TUT4: variants seen among roughly 807,000 people sequenced by gnomAD.
TUT4 encodes terminal uridylyl transferase 4.
In TUT4, 36 loss-of-function variants were observed where a neutral mutation model predicts 192.2. That is an observed-to-expected ratio of 0.19 (90% CI 0.14 to 0.25). The LOEUF (loss-of-function observed/expected upper bound fraction) is 0.25, where lower values mean the gene tolerates loss of function less well. Ranked by LOEUF, TUT4 falls within the 10% of genes least tolerant of loss-of-function variation. TUT4 has a pLI of 1.00. For synonymous variants in TUT4, 618 were observed against 666.0 expected, an observed-to-expected ratio of 0.93 and a Z score of 1.11; for missense variants, 1,493 against 1,957.2, an observed-to-expected ratio of 0.76 and a Z score of 4.47.
chr1:52,495,023 A>G (rs1462921234), intron 6 of TUT4, among the ~76,000 whole-genome samples: 1 of 152,168 alleles, frequency 6.6e-6, no homozygotes, highest in Non-Finnish European at 1.5e-5. Flanking sequence ...CTCATTTAAT[A>G]TAAAAATTAT....
Position 52,509,687 on chromosome 1 carries a change from C to T in TUT4, c.908G>A (p.Arg303Gln), listed in dbSNP as rs756328159. 8.1e-6 allele frequency: 13 copies of T among 1,610,494 alleles called. No individual in the cohort carries two copies. Among genetic ancestry groups the T allele is most frequent in the South Asian group, 2.2e-5 (2 of 90,826 alleles). The change falls in exon 4 of 30, where the codon CGG (arginine) becomes CAG (glutamine). Residue 303 changes from arginine to glutamine, a missense_variant. By Grantham distance (43) the Arg-to-Gln change is conservative. This residue lies in a region of TUT4 where 437 missense variants were observed against 577.6 expected (regional missense o/e 0.76). Coordinates refer to ENST00000257177, the MANE Select transcript of TUT4 (RefSeq NM_001009881.3). ...EKRSPEYTNC[R>Q]YLCKLCLIHI... ...AATTAAGCAAAGTTTGCATAGATAC[C>T]GACAATTGGTATATTCTGGTGATCG...
At chr1:52,511,424 G>C (rs1677130576) in intron 3 of TUT4, among the ~76,000 whole-genome samples, 1 of 152,056 alleles carries the variant, frequency 6.6e-6, no homozygotes, top group South Asian at 2.1e-4. Context: ...CTAGGAGCTG[G>C]GGATAAGAGC....
Position 52,541,225 on chromosome 1 carries a change from A to G in TUT4, c.-94+11706T>C, listed in dbSNP as rs544391083. Among the ~76,000 whole-genome samples the G allele has an allele frequency of 7.3e-3, 1,101 of 149,850 alleles. 12 individuals carry two copies. Among genetic ancestry groups the G allele is most frequent in the African/African-American group, 0.024 (966 of 40,802 alleles). ...CTCTGTCTTAAAAAAAAAAAAAAAA[A>G]AAGAAGAAGTAAAACTTCTACATCA... On this transcript the variant is annotated intron_variant, in intron 1 of 29. Coordinates refer to ENST00000257177, the MANE Select transcript of TUT4 (RefSeq NM_001009881.3).
chr1:52,504,175 C>T (rs1048630182), intron 4 of TUT4, among the ~76,000 whole-genome samples: 2 of 152,192 alleles, frequency 1.3e-5, no homozygotes, highest in African/African-American at 4.8e-5. Context: ...CACAATTCTA[C>T]ATCCTGAATC....
intron 2 of TUT4, among the ~76,000 whole-genome samples, chr1:52,524,853 G>T (rs932400813): frequency 4.6e-5 from 7 of 152,102 alleles, no homozygotes; most frequent in African/African-American, 1.7e-4. Flanking sequence ...AAAATACTCA[G>T]GATAAAGTCC....
chr1:52,542,337 C>T (rs1686910977), intron 1 of TUT4, among the ~76,000 whole-genome samples: 1 of 152,122 alleles, frequency 6.6e-6, no homozygotes, highest in Non-Finnish European at 1.5e-5. Context: ...ACCTGGGAGG[C>T]TGAGGCTTAA....
chr1:52,447,469 C>CA (rs1308778689), intron 20 of TUT4, among the ~76,000 whole-genome samples: 4 of 132,356 alleles, frequency 3.0e-5, no homozygotes, highest in Admixed American at 1.5e-4. Context: ...AACAAAAAAA[C>CA]AAAAAAACAA....
At chr1:52,485,539 T>C (rs987422129) in intron 9 of TUT4, among the ~76,000 whole-genome samples, 15 of 152,174 alleles carry the variant, frequency 9.9e-5, no homozygotes, top group African/African-American at 2.7e-4. Context: ...TCTTAACATA[T>C]ATGGCTTAAA....
chr1:52,441,444 A>ATC lies in TUT4; in HGVS notation c.3823-3110_3823-3109insGA, dbSNP rs1553160600. 5.3e-3 allele frequency among the ~76,000 whole-genome samples: 636 copies of ATC among 119,954 alleles called. 12 individuals carry two copies. The highest frequency in any genetic ancestry group is 0.022 in the African/African-American group (587 of 27,300). The allele number at this position is 119,954 out of a possible 152,430, so 78.7% of individuals were successfully genotyped here. On this transcript the variant is annotated intron_variant, in intron 24 of 29. Transcript: ENST00000257177. ...GGCGTGCACCACCACTCTCGGCTAAATTTTTTTTTTTTTTTTTTTTTTGTA... is the reference window on the plus strand; with the variant it reads ...GGCGTGCACCACCACTCTCGGCTAAATCTTTTTTTTTTTTTTTTTTTTTTGTA...
Position 52,475,337 on chromosome 1 carries a change from A to G in TUT4, c.2222T>C (p.Met741Thr). ...AAGCAGAATACAACCATTGGTTGCC[A>G]TATTGTTCGACTTGACTGGTTTCTT... Reference protein sequence around the residue: ...SNKKPVKSNNMATNGCILLGE... With the variant: ...SNKKPVKSNNTATNGCILLGE... Residue 741 changes from methionine (M) to threonine (T), a missense_variant, in exon 13 of 30, where the codon ATG becomes ACG. By Grantham distance (81) the Met-to-Thr change is moderately conservative. Transcript: ENST00000257177. The G allele has an allele frequency of 6.2e-7, 1 of 1,614,058 alleles. No homozygotes were observed. Among genetic ancestry groups the G allele is most frequent in the Non-Finnish European group, 8.5e-7 (1 of 1,180,002 alleles).
intron 2 of TUT4, among the ~76,000 whole-genome samples, chr1:52,516,676 G>A (rs757888426): frequency 1.3e-5 from 2 of 152,066 alleles, no homozygotes; most frequent in East Asian, 1.9e-4. Flanking sequence ...CCACCAGCGC[G>A]ATTTTTAAAA....
chr1:52,478,740 A>G (rs979664480), intron 11 of TUT4, among the ~76,000 whole-genome samples: 2 of 152,242 alleles, frequency 1.3e-5, no homozygotes, highest in African/African-American at 4.8e-5. Context: ...ATTCCAAAGA[A>G]TTAGCTAGAT....
chr1:52,470,901 A>C (rs898865133), intron 14 of TUT4, among the ~76,000 whole-genome samples: 1 of 151,958 alleles, frequency 6.6e-6, no homozygotes, highest in East Asian at 1.9e-4. Flanking sequence ...AAAGGCATGC[A>C]AGCCGTTCCC....
chr1:52,428,119 A>G lies in TUT4; in HGVS notation c.4712-2612T>C, dbSNP rs572864948. Among the ~76,000 whole-genome samples the G allele has an allele frequency of 3.9e-5, 6 of 152,314 alleles. No homozygotes were observed. The East Asian group carries it at 1.2e-3, about 29-fold the overall frequency. On this transcript the variant is annotated intron_variant, in intron 28 of 29. Transcript: ENST00000257177. Reference sequence around the variant, plus strand: ...CAGCAACTGTTATAAAGGACAGTTAAGAGAGATAAAAATCAAAGAGATATA... The same window carrying G: ...CAGCAACTGTTATAAAGGACAGTTAGGAGAGATAAAAATCAAAGAGATATA...
intron 2 of TUT4, among the ~76,000 whole-genome samples, chr1:52,518,837 G>A (rs1298794757): frequency 1.3e-5 from 2 of 152,108 alleles, no homozygotes; most frequent in African/African-American, 4.8e-5. Context: ...ACTCTTAATG[G>A]GCATGGGGTT....
In TUT4 at chr1:52,515,858, T is replaced by C. The variant is rs753979734; in HGVS notation, c.882+33A>G. On this transcript the variant is annotated intron_variant, in intron 3 of 29. Coordinates refer to ENST00000257177, the MANE Select transcript of TUT4 (RefSeq NM_001009881.3). The stretch of plus-strand genomic sequence containing the variant: ...GGGAAAACAGTTATGAAACACACAT[T>C]TCCCCCCAAATAACTAAAACAACAT... 4 of 1,613,034 alleles carry C rather than the reference T, an allele frequency of 2.5e-6. No individual in the cohort carries two copies. The South Asian group carries it at 4.4e-5, about 18-fold the overall frequency.
chr1:52,425,456 C>A lies in TUT4; in HGVS notation c.4763G>T (p.Arg1588Leu), dbSNP rs767255595. The change falls in exon 29 of 30, where the codon CGT becomes CTT. Residue 1588 changes from arginine to leucine, a missense_variant. Coordinates refer to ENST00000257177, the MANE Select transcript of TUT4 (RefSeq NM_001009881.3). ...AGCTGGGACAAGGGGGAAATGGGGACGCGGTGCATGTTCCCAAGGAATTGG... is the reference window on the plus strand; with the variant it reads ...AGCTGGGACAAGGGGGAAATGGGGAAGCGGTGCATGTTCCCAAGGAATTGG... Reference protein sequence around the residue: ...TPPIPWEHAPRPHFPLVPASW... With the variant: ...TPPIPWEHAPLPHFPLVPASW... 1.2e-6 allele frequency: 2 copies of A among 1,613,752 alleles called. No individual in the cohort carries two copies. Among genetic ancestry groups the A allele is most frequent in the Non-Finnish European group, 1.7e-6 (2 of 1,179,890 alleles).
At chr1:52,508,327 CAA>C (rs34321361) in intron 4 of TUT4, among the ~76,000 whole-genome samples, 50 of 78,550 alleles carry the variant, frequency 6.4e-4, no homozygotes, top group African/African-American at 4.6e-4. Context: ...ACTCTGTCTC[CAA>C]AAAAAAAAAA....
intron 3 of TUT4, among the ~76,000 whole-genome samples, chr1:52,513,452 T>A (rs1571159083): frequency 7.4e-5 from 8 of 107,568 alleles, no homozygotes; most frequent in South Asian, 2.7e-4. Flanking sequence ...GGCCAAATAA[T>A]TTAAAAAAAA....
Sources: allele counts gnomAD v4.1 joint callset (sites outside exome capture counted in the v4.1 genomes callset), GRCh38; gene constraint gnomAD v4.1.1; regional missense constraint gnomAD v4.1.1; transcripts MANE v1.5; gene names NCBI Gene and HGNC (gene_info 2026-07-23, HGNC 2026-07-21).